The following KHDC4 variants were observed in gnomAD, a reference collection of about 807,000 sequenced individuals.
The protein encoded by KHDC4 is KH domain containing 4, pre-mRNA splicing factor.
In KHDC4, 19 loss-of-function variants were observed where a neutral mutation model predicts 74.5. That is an observed-to-expected ratio of 0.26 (90% CI 0.18 to 0.37). The LOEUF (loss-of-function observed/expected upper bound fraction) is 0.37. Among genes scored for constraint, KHDC4 ranks in the 10% least tolerant of loss-of-function variants. The pLI, the probability that KHDC4 is intolerant of heterozygous loss-of-function variation, is 1.00. For synonymous variants in KHDC4, 253 were observed against 266.1 expected, an observed-to-expected ratio of 0.95 and a Z score of 0.48; for missense variants, 632 against 754.1, an observed-to-expected ratio of 0.84 and a Z score of 1.90.
chr1:155,916,008 T>A (rs1363933896), intron 12 of KHDC4, 44 bp from the exon 13 acceptor site: 2 of 1,251,596 alleles, frequency 1.6e-6, no homozygotes, highest in African/African-American at 3.1e-5. Context: ...CAATTTAAAT[T>A]TTCTTAACTT....
intron 7 of KHDC4, among the ~76,000 whole-genome samples, chr1:155,925,282 C>T (rs1285307725): frequency 2.6e-5 from 4 of 151,948 alleles, no homozygotes; most frequent in Non-Finnish European, 2.9e-5. Flanking sequence ...CCACCCGCCT[C>T]GGCCTCCCAA....
chr1:155,919,427 G>A (rs1031151669), intron 10 of KHDC4, among the ~76,000 whole-genome samples: 1 of 152,088 alleles, frequency 6.6e-6, no homozygotes, highest in African/African-American at 2.4e-5. Context: ...CATAATCCTA[G>A]CATTTTGGAA....
At chr1:155,926,870 G>A in intron 5 of KHDC4, 31 bp from the exon 6 acceptor site, 1 of 1,610,950 alleles carries the variant, frequency 6.2e-7, no homozygotes, top group Non-Finnish European at 8.5e-7. Flanking sequence ...AAAACTGAAT[G>A]GAATGAACTG....
At chr1:155,928,174 G>C (rs1204200908) in intron 4 of KHDC4, among the ~76,000 whole-genome samples, 2 of 152,022 alleles carry the variant, frequency 1.3e-5, no homozygotes, top group African/African-American at 4.8e-5. Context: ...GGACTTTTGA[G>C]ACCAGCCTGT....
intron 2 of KHDC4, chr1:155,932,380 C>T (rs565332458): frequency 3.8e-5 from 4 of 104,146 alleles, no homozygotes; most frequent in African/African-American, 7.7e-5. Flanking sequence ...ATATTACCAA[C>T]GAGAAAGCTG....
Position 155,916,640 on chromosome 1 carries a change from T to C in KHDC4, c.1538A>G (p.Glu513Gly). Residue 513 changes from glutamate to glycine, a missense_variant, in exon 12 of 14, where the codon GAG becomes GGG. Coordinates refer to ENST00000368321, the MANE Select transcript of KHDC4 (RefSeq NM_014949.4). ...TCCAACTTACCTGTCCCTCTCTCTC[T>C]CTTTGCCTGAGGAACTTGCTGGCTT... ...GSKPASSSGKERERDRQLMPP... is the reference protein window; with the variant it reads ...GSKPASSSGKGRERDRQLMPP... 1.2e-6 allele frequency: 2 copies of C among 1,612,242 alleles called. No homozygotes were observed. The highest frequency in any genetic ancestry group is 1.7e-6 in the Non-Finnish European group (2 of 1,178,898).
chr1:155,929,357 C>A lies in KHDC4; in HGVS notation c.403G>T (p.Ala135Ser), dbSNP rs1674095089. Residue 135 changes from alanine to serine, a missense_variant, in exon 4 of 14, where the codon GCT becomes TCT. By Grantham distance (99) the Ala-to-Ser change is moderately conservative. This residue lies in a region of KHDC4 where 233 missense variants were observed against 342.6 expected (regional missense o/e 0.68). Coordinates refer to ENST00000368321, the MANE Select transcript of KHDC4 (RefSeq NM_014949.4). ...TQDEISRLSG[A>S]AVSTRGRFMT... is the part of the protein sequence containing the mutation. ...AACCTCCCTCGAGTTGATACTGCAG[C>A]CCCACTAAGTCGGCTGATCTAAAAA... 6.2e-7 allele frequency: 1 copy of A among 1,613,758 alleles called. No individual in the cohort carries two copies. Among genetic ancestry groups the A allele is most frequent in the African/African-American group, 1.3e-5 (1 of 74,920 alleles).
chr1:155,914,294 T>C lies in KHDC4; in HGVS notation c.1672A>G (p.Thr558Ala), dbSNP rs1177647893. 1.2e-6 allele frequency: 2 copies of C among 1,613,862 alleles called. No individual in the cohort carries two copies. Among genetic ancestry groups the C allele is most frequent in the Admixed American group, 1.7e-5 (1 of 59,986 alleles). ...GCCACCAAGCCAAATCCCTTCTCTG[T>C]AGTTTTCATCTTCTTGGCTGGATAA... ...HDYPAKKMKT[T>A]EKGFGLVAYA... Residue 558 changes from threonine to alanine, a missense_variant, in exon 14 of 14, where the codon ACA (threonine) becomes GCA (alanine). Physicochemically the swap from Thr to Ala is moderately conservative, Grantham distance 58. This residue lies in a region of KHDC4 where 254 missense variants were observed against 267.4 expected (regional missense o/e 0.95). Coordinates refer to ENST00000368321, the MANE Select transcript of KHDC4 (RefSeq NM_014949.4).
At chr1:155,918,889 A>G (rs947863888) in intron 10 of KHDC4, among the ~76,000 whole-genome samples, 5 of 151,740 alleles carry the variant, frequency 3.3e-5, no homozygotes, top group Admixed American at 3.3e-4. Context: ...CAAACCCTAG[A>G]CAGGGCAAGT....
rs1557971324 is a variant in KHDC4, at chr1:155,929,247, G to GT, written c.464+48dup. ...TAAGGATAAAAAACATGAGGCTAAC[G>GT]TGAGTCATACACCCAACCCTTCCAT... is the stretch of plus-strand genomic sequence containing the variant. On this transcript the variant is annotated intron_variant, in intron 4 of 13. Transcript: ENST00000368321. 6 of 1,290,810 alleles carry GT rather than the reference G, an allele frequency of 4.6e-6. No homozygotes were observed. In the Admixed American group the frequency reaches 8.5e-5, roughly 18 times the overall value. 80.0% of individuals were successfully genotyped at this position (1,290,810 alleles called of 1,614,324 possible).
chr1:155,917,488 T>C lies in KHDC4; in HGVS notation c.1440+11A>G, dbSNP rs376354898. On this transcript the variant is annotated intron_variant, in intron 11 of 13. Transcript: ENST00000368321. ...AAGGTGAAGATAGGAAAACAGGGTA[T>C]TTTATTTAACCTGGTATCCAAGCAG... 133 of 1,604,604 alleles carry C rather than the reference T, an allele frequency of 8.3e-5. No homozygotes were observed. The highest frequency in any genetic ancestry group is 1.1e-4 in the Non-Finnish European group (129 of 1,171,760).
rs778918557 is a variant in KHDC4, at chr1:155,926,785, G to A, written c.572C>T (p.Thr191Ile). 2 of 1,614,146 alleles carry A rather than the reference G, an allele frequency of 1.2e-6. No homozygotes were observed. The highest frequency in any genetic ancestry group is 1.7e-5 in the Admixed American group (1 of 60,020). Reference sequence around the variant, plus strand: ...ACCATTAAAAGTTGGACTTGTTCCTGTGGCAGCTTTTACCACTCCATTGGT... The same window carrying A: ...ACCATTAAAAGTTGGACTTGTTCCTATGGCAGCTTTTACCACTCCATTGGT... ...IITNGVVKAA[T>I]GTSPTFNGAT... The change falls in exon 6 of 14, where the codon ACA becomes ATA. Residue 191 changes from threonine to isoleucine, a missense_variant. Physicochemically the swap from Thr to Ile is moderately conservative, Grantham distance 89. Transcript: ENST00000368321.
Position 155,923,077 on chromosome 1 carries a change from C to T in KHDC4, c.954+550G>A, listed in dbSNP as rs1452852604. On this transcript the variant is annotated intron_variant, in intron 8 of 13. Transcript: ENST00000368321. ...AAAAGTAGCCGGGCGTAGTGGCGGGCGCCTGTAGTCCCAGCTACTTGGGAG... is the reference window on the plus strand; with the variant it reads ...AAAAGTAGCCGGGCGTAGTGGCGGGTGCCTGTAGTCCCAGCTACTTGGGAG... Among the ~76,000 whole-genome samples the T allele has an allele frequency of 3.3e-5, 5 of 151,002 alleles. No individual in the cohort carries two copies. In the East Asian group the frequency reaches 7.8e-4, roughly 23 times the overall value.
intron 8 of KHDC4, among the ~76,000 whole-genome samples, chr1:155,922,536 A>G (rs1298522476): frequency 2.0e-5 from 3 of 152,188 alleles, no homozygotes; most frequent in Admixed American, 6.5e-5. Context: ...ACCATACTCA[A>G]TTCTGGGGTA....
intron 5 of KHDC4, 35 bp downstream of exon 5, chr1:155,927,069 C>T (rs751167642): frequency 1.2e-6 from 2 of 1,604,684 alleles, no homozygotes; most frequent in Non-Finnish European, 1.7e-6. Flanking sequence ...TTGCTCTTCA[C>T]AAAAAGTGCT....
intron 7 of KHDC4, among the ~76,000 whole-genome samples, chr1:155,923,947 A>C (rs1469685451): frequency 1.3e-5 from 2 of 152,212 alleles, no homozygotes; most frequent in Admixed American, 1.3e-4. Context: ...AGTTCATAAA[A>C]TTACTATAAA....
chr1:155,926,964 C>A (rs1314318376), intron 5 of KHDC4, 125 bp from the exon 6 acceptor site: 2 of 1,328,194 alleles, frequency 1.5e-6, no homozygotes, highest in Admixed American at 3.5e-5. Context: ...CTCCATCCCT[C>A]TAAACTCCCA....
intron 7 of KHDC4, 135 bp from the exon 8 acceptor site, chr1:155,923,822 T>C (rs1673920829): frequency 3.2e-6 from 2 of 624,954 alleles, no homozygotes. Context: ...CCTCTGAAAA[T>C]CACAAAACAG....
At chr1:155,923,545 T>C in intron 8 of KHDC4, 82 bp downstream of exon 8, 1 of 1,047,604 alleles carries the variant, frequency 9.5e-7, no homozygotes. Flanking sequence ...ACTAGGAAAC[T>C]AAACAGGTGA....
Sources: allele counts gnomAD v4.1 joint callset (sites outside exome capture counted in the v4.1 genomes callset), GRCh38; gene constraint gnomAD v4.1.1; regional missense constraint gnomAD v4.1.1; transcripts MANE v1.5; gene names NCBI Gene and HGNC (gene_info 2026-07-23, HGNC 2026-07-21).